The following RAB3C variants were observed in gnomAD, a reference collection of about 807,000 sequenced individuals.
The protein encoded by RAB3C is RAB3C, member RAS oncogene family, also known as ras-related protein Rab-3C.
Under a neutral mutation model 26.4 loss-of-function variants are expected in RAB3C, and 17 were observed. The observed-to-expected ratio is 0.64, with a 90% CI of 0.44 to 0.97. RAB3C has a LOEUF of 0.97. RAB3C is among the 50% of genes least tolerant of loss of function. RAB3C has a pLI of 0.00. For missense variants in RAB3C, 242 were observed against 281.9 expected (o/e 0.86, Z 1.01); for synonymous variants, 91 against 95.9 (o/e 0.95, Z 0.30).
At chr5:58,724,359 A>T (rs1740835821) in intron 2 of RAB3C, among the ~76,000 whole-genome samples, 1 of 151,700 alleles carries the variant, frequency 6.6e-6, no homozygotes, top group Admixed American at 6.6e-5. Flanking sequence ...AGGACCTCAA[A>T]TCTGGATCTG....
intron 2 of RAB3C, among the ~76,000 whole-genome samples, chr5:58,641,861 A>T (rs1453335471): frequency 1.3e-5 from 2 of 152,146 alleles, no homozygotes; most frequent in African/African-American, 2.4e-5. Flanking sequence ...TTTTTGTTTT[A>T]AAAAAGAGTT....
At chr5:58,623,615 T>A (rs4700302) in intron 2 of RAB3C, among the ~76,000 whole-genome samples, 14,391 of 152,284 alleles carry the variant, frequency 0.095, 1,027 homozygotes, top group Admixed American at 0.23. Flanking sequence ...ACATTCACTC[T>A]GTCAGGCAGC....
chr5:58,806,152 C>T (rs1561136567), intron 3 of RAB3C, among the ~76,000 whole-genome samples: 1 of 152,078 alleles, frequency 6.6e-6, no homozygotes, highest in Non-Finnish European at 1.5e-5. Flanking sequence ...TAGGTTTGTG[C>T]CCCACACTTC....
At chr5:58,682,973 A>G (rs1279912987) in intron 2 of RAB3C, among the ~76,000 whole-genome samples, 1 of 152,232 alleles carries the variant, frequency 6.6e-6, no homozygotes, top group Non-Finnish European at 1.5e-5. Context: ...ATCATTAAAC[A>G]TGCAACAAAC....
chr5:58,689,715 C>T (rs1748522508), intron 2 of RAB3C, among the ~76,000 whole-genome samples: 1 of 152,138 alleles, frequency 6.6e-6, no homozygotes, highest in South Asian at 2.1e-4. Context: ...CCATTCATTC[C>T]CTTGACACAA....
At chr5:58,664,211 G>T (rs1747959035) in intron 2 of RAB3C, among the ~76,000 whole-genome samples, 1 of 152,022 alleles carries the variant, frequency 6.6e-6, no homozygotes, top group African/African-American at 2.4e-5. Context: ...CTTCAAACTG[G>T]AAACAACCTA....
rs142749478 is a variant in RAB3C, at chr5:58,618,080, A to G, written c.252+210A>G. Among the ~76,000 whole-genome samples, 397 of 151,772 alleles carry G rather than the reference A, an allele frequency of 2.6e-3. 4 individuals are homozygous for G. Among genetic ancestry groups the G allele is most frequent in the African/African-American group, 8.8e-3 (364 of 41,382 alleles). On this transcript the variant is annotated intron_variant, in intron 2 of 4. Transcript: ENST00000282878. Reference sequence around the variant, plus strand: ...TGAATTATTATTATGCCTTGTTGTCATGTGGTGCTCCTTAAGAGTCTTCAG... The same window carrying G: ...TGAATTATTATTATGCCTTGTTGTCGTGTGGTGCTCCTTAAGAGTCTTCAG...
intron 1 of RAB3C, among the ~76,000 whole-genome samples, chr5:58,615,308 C>G (rs1220192004): frequency 6.6e-6 from 1 of 152,108 alleles, no homozygotes; most frequent in Non-Finnish European, 1.5e-5. Flanking sequence ...TCTTTTCTGG[C>G]TGTGGCTTAG....
Position 58,662,610 on chromosome 5 carries a change from A to G in RAB3C, c.252+44740A>G, listed in dbSNP as rs950846198. Among the ~76,000 whole-genome samples, 2 of 150,330 alleles carry G rather than the reference A, an allele frequency of 1.3e-5. 1 individual carries two copies. Among genetic ancestry groups the G allele is most frequent in the African/African-American group, 5.0e-5 (2 of 39,654 alleles). The stretch of plus-strand genomic sequence containing the variant: ...AATTGGCCCAAATGTCGTATATCTT[A>G]TAAAAAAGATCTGAGATTCAAATCC... On this transcript the variant is annotated intron_variant, in intron 2 of 4. Coordinates refer to ENST00000282878, the MANE Select transcript of RAB3C (RefSeq NM_138453.4).
chr5:58,844,088 C>T (rs1159824398), intron 4 of RAB3C, among the ~76,000 whole-genome samples: 2 of 152,272 alleles, frequency 1.3e-5, no homozygotes, highest in African/African-American at 2.4e-5. Flanking sequence ...ATTCTAATTG[C>T]GGAGCAAAAC....
In RAB3C at chr5:58,667,045, G is replaced by A. The variant is rs550058628; in HGVS notation, c.252+49175G>A. Among the ~76,000 whole-genome samples the A allele has an allele frequency of 2.0e-4, 31 of 152,276 alleles. No individual in the cohort carries two copies. In the South Asian group the frequency reaches 5.2e-3, roughly 25 times the overall value. On this transcript the variant is annotated intron_variant, in intron 2 of 4. Transcript: ENST00000282878. Reference sequence around the variant, plus strand: ...CTATGTGAAGTGTAAATGAATCATGGTGATAGTTGTGGCAGACTCTCCAAG... The same window carrying A: ...CTATGTGAAGTGTAAATGAATCATGATGATAGTTGTGGCAGACTCTCCAAG...
chr5:58,829,300 T>A (rs1011953291), intron 4 of RAB3C, among the ~76,000 whole-genome samples: 1 of 152,196 alleles, frequency 6.6e-6, no homozygotes, highest in South Asian at 2.1e-4. Context: ...ATGGTACTTA[T>A]ATATGTACAA....
intron 2 of RAB3C, among the ~76,000 whole-genome samples, chr5:58,703,292 C>G (rs938159841): frequency 3.9e-5 from 6 of 152,090 alleles, no homozygotes; most frequent in Non-Finnish European, 7.3e-5. Context: ...AAGCGATTTT[C>G]CTGCTTCAGC....
At chr5:58,840,151 G>A (rs1168846821) in intron 4 of RAB3C, among the ~76,000 whole-genome samples, 1 of 151,214 alleles carries the variant, frequency 6.6e-6, no homozygotes, top group Non-Finnish European at 1.5e-5. Flanking sequence ...AGTCCTGTAG[G>A]CTTTATTTAT....
chr5:58,597,545 A>G (rs1348451380), intron 1 of RAB3C, among the ~76,000 whole-genome samples: 1 of 117,316 alleles, frequency 8.5e-6, no homozygotes, highest in Non-Finnish European at 1.7e-5. Context: ...TAAGCATATA[A>G]CAATATATAG....
intron 3 of RAB3C, among the ~76,000 whole-genome samples, chr5:58,772,070 C>T (rs761638538): frequency 1.8e-4 from 28 of 152,086 alleles, no homozygotes; most frequent in Non-Finnish European, 3.5e-4. Context: ...AATAAAAGCA[C>T]ACCTCTAGGT....
intron 3 of RAB3C, among the ~76,000 whole-genome samples, chr5:58,777,095 G>A (rs1020032414): frequency 3.9e-5 from 6 of 152,208 alleles, no homozygotes; most frequent in Middle Eastern, 3.4e-3. Flanking sequence ...TTAGGTTTGG[G>A]TCTTAGTAGT....
chr5:58,826,080 G>A (rs1743469492), intron 4 of RAB3C, among the ~76,000 whole-genome samples: 1 of 152,144 alleles, frequency 6.6e-6, no homozygotes, highest in Non-Finnish European at 1.5e-5. Flanking sequence ...CAGGGAGAGG[G>A]AGGCAGACAC....
At chr5:58,721,136 C>T (rs1368988347) in intron 2 of RAB3C, among the ~76,000 whole-genome samples, 1 of 151,006 alleles carries the variant, frequency 6.6e-6, no homozygotes, top group African/African-American at 2.4e-5. Flanking sequence ...ATAGTTTTTT[C>T]TTGACAGATA....
Sources: gnomAD v4.1 joint callset for allele counts (sites outside exome capture counted in the v4.1 genomes callset) on GRCh38, gnomAD v4.1.1 for gene constraint, MANE v1.5 for transcripts, NCBI Gene and HGNC (gene_info 2026-07-23, HGNC 2026-07-21) for gene names.